PCDH7: variants seen among roughly 807,000 people sequenced by gnomAD.
The protein encoded by PCDH7 is protocadherin 7.
In PCDH7, 17 loss-of-function variants were observed where a neutral mutation model predicts 58.9. That is an observed-to-expected ratio of 0.29 (90% CI 0.20 to 0.43). PCDH7 has a LOEUF of 0.43. Ranked by LOEUF, PCDH7 falls within the 20% of genes least tolerant of loss-of-function variation. PCDH7 has a pLI of 1.00. For synonymous variants in PCDH7, 664 were observed against 616.4 expected (o/e 1.08, Z -1.14); for missense variants, 1,274 against 1,441.0 (o/e 0.88, Z 1.88).
At chr4:30,753,918 T>G (rs897417979) in intron 1 of PCDH7, among the ~76,000 whole-genome samples, 4 of 152,160 alleles carry the variant, frequency 2.6e-5, no homozygotes, top group African/African-American at 7.2e-5. Flanking sequence ...GAATTAGATT[T>G]GAATATTATG....
chr4:31,107,876 A>G (rs1391555863), intron 3 of PCDH7, among the ~76,000 whole-genome samples: 1 of 152,144 alleles, frequency 6.6e-6, no homozygotes, highest in Non-Finnish European at 1.5e-5. Flanking sequence ...GTGGATATTT[A>G]TGATTAGATA....
At chr4:31,018,702 T>C (rs1753800516) in intron 3 of PCDH7, among the ~76,000 whole-genome samples, 2 of 152,198 alleles carry the variant, frequency 1.3e-5, no homozygotes, top group South Asian at 4.1e-4. Context: ...AGCATCTCAT[T>C]TGTAATACCT....
chr4:30,790,726 C>A (rs1724002075), intron 1 of PCDH7, among the ~76,000 whole-genome samples: 1 of 152,086 alleles, frequency 6.6e-6, no homozygotes, highest in Admixed American at 6.6e-5. Flanking sequence ...TCAAGACCAG[C>A]CTGGGTAACA....
At chr4:30,750,803 G>T (rs1345078044) in intron 1 of PCDH7, among the ~76,000 whole-genome samples, 1 of 151,938 alleles carries the variant, frequency 6.6e-6, no homozygotes, top group Admixed American at 6.6e-5. Flanking sequence ...TAAGTGTAAC[G>T]CGAAAGACAG....
chr4:31,089,238 A>G (rs189098496), intron 3 of PCDH7, among the ~76,000 whole-genome samples: 2 of 152,228 alleles, frequency 1.3e-5, no homozygotes, highest in African/African-American at 4.8e-5. Flanking sequence ...TTATGTTTAT[A>G]TTATAAACCA....
rs566343709 is a variant in PCDH7 at position 31,140,959 on chromosome 4, T to A, written c.*8-1514T>A. ...CCGGTGTAGAACACTAGAATTTCCT[T>A]GTTAACGCTTAGTCAAGGGCATAAA... On this transcript the variant is annotated intron_variant, in intron 3 of 3. Coordinates refer to the PCDH7 transcript ENST00000509759. 1.2e-3 allele frequency among the ~76,000 whole-genome samples: 176 copies of A among 152,278 alleles called. 1 individual carries two copies. The highest frequency in any genetic ancestry group is 4.1e-3 in the African/African-American group (169 of 41,548).
In PCDH7 at chr4:31,007,481, A is replaced by T. The variant is rs144843118; in HGVS notation, c.*7+57266A>T. On this transcript the variant is annotated intron_variant, in intron 3 of 3. Coordinates refer to the PCDH7 transcript ENST00000509759. ...CTGTCCTAGCATAAAAGAATACATT[A>T]TACAATTTTAGTATAAAATAACTTA... Among the ~76,000 whole-genome samples, 1,336 of 152,240 alleles carry T rather than the reference A, an allele frequency of 8.8e-3. 17 individuals carry two copies. Among genetic ancestry groups the T allele is most frequent in the African/African-American group, 0.031 (1,285 of 41,534 alleles).
At chr4:30,831,295 C>A (rs113029458) in intron 1 of PCDH7, among the ~76,000 whole-genome samples, 14 of 152,254 alleles carry the variant, frequency 9.2e-5, no homozygotes, top group African/African-American at 2.6e-4. Context: ...GTGCCACCGT[C>A]TTGAGACCCA....
chr4:30,966,320 A>G (rs1225750989), intron 3 of PCDH7, among the ~76,000 whole-genome samples: 1 of 152,194 alleles, frequency 6.6e-6, no homozygotes, highest in Non-Finnish European at 1.5e-5. Context: ...GATTAAAAGC[A>G]TGTTACATTC....
At chr4:30,804,641 G>A (rs1406095159) in intron 1 of PCDH7, among the ~76,000 whole-genome samples, 3 of 152,078 alleles carry the variant, frequency 2.0e-5, no homozygotes, top group South Asian at 2.1e-4. Flanking sequence ...TGGAAGAAGA[G>A]AGCAGTCCTC....
At chr4:31,106,706 T>C (rs1715625352) in intron 3 of PCDH7, among the ~76,000 whole-genome samples, 1 of 152,156 alleles carries the variant, frequency 6.6e-6, no homozygotes, top group South Asian at 2.1e-4. Flanking sequence ...AAATTATTCA[T>C]AACAGGAAAA....
At chr4:30,897,787 T>G (rs1739643618) in intron 1 of PCDH7, among the ~76,000 whole-genome samples, 1 of 152,246 alleles carries the variant, frequency 6.6e-6, no homozygotes, top group Non-Finnish European at 1.5e-5. Flanking sequence ...AAATAGGTTG[T>G]ACTTTTTTGT....
At chr4:30,888,460 G>A (rs1738150652) in intron 1 of PCDH7, among the ~76,000 whole-genome samples, 1 of 152,092 alleles carries the variant, frequency 6.6e-6, no homozygotes, top group Non-Finnish European at 1.5e-5. Context: ...GAGAAAGAGA[G>A]GATATTTATA....
chr4:31,120,216 T>C (rs1210262226), intron 3 of PCDH7, among the ~76,000 whole-genome samples: 1 of 152,068 alleles, frequency 6.6e-6, no homozygotes, highest in Non-Finnish European at 1.5e-5. Context: ...TTTTCCTTCC[T>C]GTTTTTTCTC....
chr4:31,019,183 T>C (rs1753833722), intron 3 of PCDH7, among the ~76,000 whole-genome samples: 1 of 152,116 alleles, frequency 6.6e-6, no homozygotes, highest in Non-Finnish European at 1.5e-5. Flanking sequence ...AAAAAAAAGA[T>C]AAATGTCTAT....
At chr4:31,017,442 A>G (rs1471970132) in intron 3 of PCDH7, among the ~76,000 whole-genome samples, 1 of 152,176 alleles carries the variant, frequency 6.6e-6, no homozygotes, top group Non-Finnish European at 1.5e-5. Flanking sequence ...GGATCTAAAC[A>G]GTTCCCTGCA....
At chr4:31,125,434 T>G (rs941631056) in intron 3 of PCDH7, among the ~76,000 whole-genome samples, 1 of 152,248 alleles carries the variant, frequency 6.6e-6, no homozygotes, top group African/African-American at 2.4e-5. Context: ...GGAGTATTTT[T>G]CTGCTTTGAT....
intron 1 of PCDH7, among the ~76,000 whole-genome samples, chr4:30,891,793 A>G (rs1246193515): frequency 6.9e-6 from 1 of 145,740 alleles, no homozygotes; most frequent in Non-Finnish European, 1.5e-5. Flanking sequence ...TTTCTCTGTT[A>G]AGAGTTAAAC....
At chr4:30,944,311 T>C (rs1427073573) in intron 2 of PCDH7, among the ~76,000 whole-genome samples, 13 of 152,084 alleles carry the variant, frequency 8.5e-5, no homozygotes. Flanking sequence ...AATATAGTAA[T>C]TTTCTATTAA....
Sources: gnomAD v4.1 joint callset for allele counts (sites outside exome capture counted in the v4.1 genomes callset) on GRCh38, gnomAD v4.1.1 for gene constraint, MANE v1.5 for transcripts, NCBI Gene and HGNC (gene_info 2026-07-23, HGNC 2026-07-21) for gene names.